Variants in ACAD11 observed in about 807,000 individuals in gnomAD.
The protein encoded by ACAD11 is acyl-Coenzyme A dehydrogenase family, member 11.
Under a neutral mutation model 102.2 loss-of-function variants are expected in ACAD11, and 83 were observed. That is an observed-to-expected ratio of 0.81 (90% CI 0.68 to 0.97). ACAD11 has a LOEUF of 0.97. ACAD11 is among the 50% of genes least tolerant of loss of function. ACAD11 has a pLI of 0.00. For missense variants in ACAD11, 901 were observed against 951.7 expected (o/e 0.95, Z 0.70); for synonymous variants, 324 against 319.8 (o/e 1.01, Z -0.14).
chr3:132,643,041 C>T (rs1451693616), intron 2 of ACAD11, among the ~76,000 whole-genome samples: 1 of 152,210 alleles, frequency 6.6e-6, no homozygotes, highest in Non-Finnish European at 1.5e-5. Context: ...TGAGCACCTG[C>T]ATGAGACTTA....
intron 2 of ACAD11, among the ~76,000 whole-genome samples, chr3:132,643,189 AGTCTC>A (rs148409328): frequency 0.021 from 3,246 of 152,272 alleles, 56 homozygotes; most frequent in South Asian, 0.072. Flanking sequence ...AGCTCAGGTA[AGTCTC>A]TATTCTAGCA....
At chr3:132,576,512 C>G (rs564390700) in intron 16 of ACAD11, among the ~76,000 whole-genome samples, 1 of 152,322 alleles carries the variant, frequency 6.6e-6, no homozygotes, top group Middle Eastern at 3.4e-3. Context: ...TCATAAAGTA[C>G]TGAGGTTTTC....
At chr3:132,626,320 A>C (rs1307026629) in intron 9 of ACAD11, among the ~76,000 whole-genome samples, 1 of 152,112 alleles carries the variant, frequency 6.6e-6, no homozygotes, top group African/African-American at 2.4e-5. Flanking sequence ...AATGATATGT[A>C]AAATTCTCTA....
chr3:132,645,385 T>C (rs1940678352), intron 1 of ACAD11, among the ~76,000 whole-genome samples: 1 of 152,182 alleles, frequency 6.6e-6, no homozygotes, highest in South Asian at 2.1e-4. Flanking sequence ...ATGGGAGTTC[T>C]GAGAAGTGAG....
intron 5 of ACAD11, among the ~76,000 whole-genome samples, chr3:132,634,796 A>G (rs963412237): frequency 6.6e-6 from 1 of 151,812 alleles, no homozygotes; most frequent in African/African-American, 2.4e-5. Flanking sequence ...TCAGCAAACT[A>G]TCGCAAGGAC....
intron 17 of ACAD11, among the ~76,000 whole-genome samples, 168 bp downstream of exon 17, chr3:132,575,604 A>G (rs1937511057): frequency 6.6e-6 from 1 of 152,230 alleles, no homozygotes; most frequent in African/African-American, 2.4e-5. Context: ...TTTCATAAAG[A>G]TAAATACCTC....
chr3:132,570,783 T>A (rs1240934895), intron 17 of ACAD11, among the ~76,000 whole-genome samples: 1 of 152,198 alleles, frequency 6.6e-6, no homozygotes, highest in Non-Finnish European at 1.5e-5. Flanking sequence ...GTTCCTGCGT[T>A]AGTTGGCTAA....
At position 132,558,860 on chromosome 3, in the gene ACAD11, A is replaced by G. The variant is rs1936960820; in HGVS notation, c.*111T>C. The G allele has an allele frequency of 1.3e-6, 1 of 743,944 alleles. No individual in the cohort carries two copies. Among genetic ancestry groups the G allele is most frequent in the Non-Finnish European group, 2.2e-6 (1 of 445,308 alleles). 46.1% of individuals were successfully genotyped at this position (743,944 alleles called of 1,614,324 possible). A position where few individuals can be genotyped will look rare whatever the true frequency, so the allele number is the denominator to read the frequency against. ...GCTATAATCTTTACCACAAATGAATAATTAACCCTGTGCTCAAACTGCTAC... is the reference window on the plus strand; with the variant it reads ...GCTATAATCTTTACCACAAATGAATGATTAACCCTGTGCTCAAACTGCTAC... On this transcript the variant is annotated 3_prime_UTR_variant, in exon 20 of 20. Transcript: ENST00000264990.
chr3:132,606,309 C>T (rs1363977915), intron 11 of ACAD11, among the ~76,000 whole-genome samples: 1 of 152,190 alleles, frequency 6.6e-6, no homozygotes, highest in African/African-American at 2.4e-5. Context: ...TAGATTAACA[C>T]AGCTTAACAT....
chr3:132,609,803 A>C (rs1939035609), intron 11 of ACAD11, among the ~76,000 whole-genome samples: 1 of 152,214 alleles, frequency 6.6e-6, no homozygotes, highest in South Asian at 2.1e-4. Flanking sequence ...CCTGATACCA[A>C]AACCTGGTGG....
In ACAD11 at chr3:132,559,145, G is replaced by C. The variant is rs1041535049; in HGVS notation, c.2229-60C>G. The C allele has an allele frequency of 5.2e-6, 6 of 1,143,564 alleles. No individual in the cohort carries two copies. In the African/African-American group the frequency reaches 6.1e-5, roughly 12 times the overall value. The allele number at this position is 1,143,564 out of a possible 1,614,324, so 70.8% of individuals were successfully genotyped here. A position where few individuals can be genotyped will look rare whatever the true frequency, so the allele number is the denominator to read the frequency against. Reference sequence around the variant, plus strand: ...TTATGGAAGAGGAACATGATACTTTGACATCAGTCACTCTGATTGTCAACC... The same window carrying C: ...TTATGGAAGAGGAACATGATACTTTCACATCAGTCACTCTGATTGTCAACC... On this transcript the variant is annotated intron_variant, in intron 19 of 19. Transcript: ENST00000264990.
Position 132,607,186 on chromosome 3 carries a change from T to C in ACAD11, c.1415-1981A>G, listed in dbSNP as rs547654718. Among the ~76,000 whole-genome samples, 11 of 152,264 alleles carry C rather than the reference T, an allele frequency of 7.2e-5. No homozygotes were observed. The South Asian group carries it at 2.3e-3, about 32-fold the overall frequency. The stretch of plus-strand genomic sequence containing the variant: ...TGAGGAAAAACCAGTGCAAAAAGGC[T>C]GAAAATTCCAAAAACCAGAATGCCT... On this transcript the variant is annotated intron_variant, in intron 11 of 19. Coordinates refer to ENST00000264990, the MANE Select transcript of ACAD11 (RefSeq NM_032169.5).
chr3:132,587,985 G>T (rs780207841), intron 13 of ACAD11, among the ~76,000 whole-genome samples: 14 of 152,070 alleles, frequency 9.2e-5, no homozygotes, highest in Non-Finnish European at 1.8e-4. Flanking sequence ...AGCAGTGATG[G>T]TTGCCCTAGA....
At chr3:132,598,654 G>A (rs1345518806) in intron 13 of ACAD11, among the ~76,000 whole-genome samples, 1 of 152,178 alleles carries the variant, frequency 6.6e-6, no homozygotes, top group African/African-American at 2.4e-5. Flanking sequence ...GCCCTTCCAG[G>A]GAAGGGCAGG....
intron 13 of ACAD11, among the ~76,000 whole-genome samples, chr3:132,583,761 G>A (rs1368035544): frequency 3.3e-5 from 5 of 151,892 alleles, no homozygotes; most frequent in Admixed American, 6.6e-5. Flanking sequence ...CTTTGTTCTC[G>A]TTGGTTTCAA....
chr3:132,644,015 C>CT (rs1007995426), intron 2 of ACAD11, among the ~76,000 whole-genome samples: 4 of 152,042 alleles, frequency 2.6e-5, no homozygotes, highest in Admixed American at 6.6e-5. Flanking sequence ...AGTTACCCAA[C>CT]TTTTTTTTAT....
At chr3:132,608,867 C>A (rs982402163) in intron 11 of ACAD11, among the ~76,000 whole-genome samples, 5 of 152,116 alleles carry the variant, frequency 3.3e-5, no homozygotes, top group Non-Finnish European at 5.9e-5. Context: ...TGCACTTATT[C>A]TAAAATTGAC....
chr3:132,610,400 C>T (rs909060338), intron 11 of ACAD11, among the ~76,000 whole-genome samples: 21 of 152,014 alleles, frequency 1.4e-4, no homozygotes, highest in African/African-American at 4.8e-4. Flanking sequence ...AATACAGACA[C>T]AAAAAACCCT....
chr3:132,589,860 TC>T, intron 13 of ACAD11, among the ~76,000 whole-genome samples: 1 of 152,246 alleles, frequency 6.6e-6, no homozygotes, highest in East Asian at 1.9e-4. Context: ...CTCCTTTCCC[TC>T]CTCCCACCCT....
Sources: gnomAD v4.1 joint callset for allele counts (sites outside exome capture counted in the v4.1 genomes callset) on GRCh38, gnomAD v4.1.1 for gene constraint, MANE v1.5 for transcripts, NCBI Gene and HGNC (gene_info 2026-07-23, HGNC 2026-07-21) for gene names.